ACOT13: variants seen among roughly 807,000 people sequenced by gnomAD.
The protein encoded by ACOT13 is acyl-CoA thioesterase 13, also known as acyl-coenzyme A thioesterase 13.
In ACOT13, 10 loss-of-function variants were observed where a neutral mutation model predicts 11.8. The ratio of observed to expected loss-of-function variants is 0.85; its 90% CI spans 0.53 to 1.44. The LOEUF is 1.44. Ranked by LOEUF, ACOT13 falls within the 40% of genes most tolerant of loss-of-function variation. The pLI is 0.00. For synonymous variants in ACOT13, 53 were observed against 61.0 expected (o/e 0.87, Z 0.61); for missense variants, 172 against 174.1 (o/e 0.99, Z 0.07).
chr6:24,694,009 GT>G (rs1205687090), intron 1 of ACOT13, among the ~76,000 whole-genome samples: 1 of 152,130 alleles, frequency 6.6e-6, no homozygotes, highest in Non-Finnish European at 1.5e-5. Context: ...CACAGACGAA[GT>G]TGCATAAACT....
Position 24,701,534 on chromosome 6 carries a change from A to G in ACOT13, c.342A>G (p.Ala114=). 6.2e-7 allele frequency: 1 copy of G among 1,614,132 alleles called. No individual in the cohort carries two copies. The highest frequency in any genetic ancestry group is 8.5e-7 in the Non-Finnish European group (1 of 1,179,980). ...TTCTGAAGCAAGGAAAAACACTTGC[A>G]TTTACCTCTGTGGATCTGACCAACA... ...AHVLKQGKTL[A]FTSVDLTNKA... is the part of the protein sequence containing the mutation. Residue 114 remains alanine, a synonymous_variant, in exon 3 of 3, where the codon GCA becomes GCG. Coordinates refer to ENST00000230048, the MANE Select transcript of ACOT13 (RefSeq NM_018473.4).
intron 1 of ACOT13, among the ~76,000 whole-genome samples, chr6:24,697,241 GT>G (rs999056196): frequency 6.6e-6 from 1 of 152,028 alleles, no homozygotes; most frequent in African/African-American, 2.4e-5. Context: ...TAGTATAAAA[GT>G]TTTTTTTAAA....
At chr6:24,678,808 C>T (rs1272925442) in intron 1 of ACOT13, among the ~76,000 whole-genome samples, 4 of 152,192 alleles carry the variant, frequency 2.6e-5, no homozygotes, top group Non-Finnish European at 4.4e-5. Context: ...CGGATAGTGA[C>T]AGATCTGGAG....
chr6:24,672,240 G>A (rs1339568587), intron 1 of ACOT13, among the ~76,000 whole-genome samples: 1 of 152,022 alleles, frequency 6.6e-6, no homozygotes, highest in Non-Finnish European at 1.5e-5. Flanking sequence ...TTGAGAGAGG[G>A]GACTTAACTT....
chr6:24,700,353 C>G (rs1562163737), intron 2 of ACOT13, among the ~76,000 whole-genome samples: 1 of 149,364 alleles, frequency 6.7e-6, no homozygotes, highest in Non-Finnish European at 1.5e-5. Context: ...ACTAAACATA[C>G]TATTTTTCAT....
intron 1 of ACOT13, among the ~76,000 whole-genome samples, chr6:24,693,533 C>T (rs1317515041): frequency 6.6e-6 from 1 of 152,128 alleles, no homozygotes; most frequent in Non-Finnish European, 1.5e-5. Flanking sequence ...ATTCTTGGTT[C>T]TCAGCTTCAT....
intron 1 of ACOT13, among the ~76,000 whole-genome samples, chr6:24,687,174 A>G (rs1778645604): frequency 6.6e-6 from 1 of 152,082 alleles, no homozygotes. Context: ...CATCTTGCAA[A>G]ACTGGAACTA....
chr6:24,679,434 T>C (rs1778510246), intron 1 of ACOT13, among the ~76,000 whole-genome samples: 1 of 152,148 alleles, frequency 6.6e-6, no homozygotes. Flanking sequence ...GACAGAGAGG[T>C]ATGCTTCCTC....
At chr6:24,674,350 CT>C (rs1288228767) in intron 1 of ACOT13, among the ~76,000 whole-genome samples, 4 of 152,232 alleles carry the variant, frequency 2.6e-5, no homozygotes, top group Middle Eastern at 3.4e-3. Flanking sequence ...GCCGCTGCCC[CT>C]GGCCTAAATA....
intron 1 of ACOT13, among the ~76,000 whole-genome samples, chr6:24,694,807 T>TA (rs1372991146): frequency 6.6e-6 from 1 of 152,152 alleles, no homozygotes; most frequent in Non-Finnish European, 1.5e-5. Context: ...GGCTGCCCAG[T>TA]AAAAAATTCT....
At chr6:24,672,072 CATAATTT>C (rs1778374399) in intron 1 of ACOT13, among the ~76,000 whole-genome samples, 1 of 152,104 alleles carries the variant, frequency 6.6e-6, no homozygotes, top group Non-Finnish European at 1.5e-5. Context: ...CAGAAAAAGA[CATAATTT>C]ATAATTTGAT....
At chr6:24,687,996 A>T (rs145978343) in intron 1 of ACOT13, among the ~76,000 whole-genome samples, 46 of 152,146 alleles carry the variant, frequency 3.0e-4, no homozygotes, top group African/African-American at 9.6e-4. Flanking sequence ...TACAGGTGTG[A>T]GCCACCGCAC....
At chr6:24,671,761 G>A (rs944424604) in intron 1 of ACOT13, among the ~76,000 whole-genome samples, 10 of 152,082 alleles carry the variant, frequency 6.6e-5, no homozygotes, top group African/African-American at 2.4e-4. Flanking sequence ...TTTTAGGGCA[G>A]CCATAGGCAA....
Position 24,701,639 on chromosome 6 carries a change from A to G in ACOT13, c.*24A>G. ...GAGAGAACAGCAGAATGACCTAAAG[A>G]AACCCAACAATGAATATCAAGTATA... On this transcript the variant is annotated 3_prime_UTR_variant, in exon 3 of 3. Coordinates refer to ENST00000230048, the MANE Select transcript of ACOT13 (RefSeq NM_018473.4). 1 of 1,577,688 alleles carries G rather than the reference A, an allele frequency of 6.3e-7. No homozygotes were observed. The highest frequency in any genetic ancestry group is 1.4e-5 in the African/African-American group (1 of 73,366).
chr6:24,689,877 A>T (rs1287139987), intron 1 of ACOT13, among the ~76,000 whole-genome samples: 1 of 152,210 alleles, frequency 6.6e-6, no homozygotes, highest in African/African-American at 2.4e-5. Flanking sequence ...CACAGCAAAT[A>T]TAAGTATTTT....
chr6:24,686,660 TTCTC>T (rs1046737565), intron 1 of ACOT13, among the ~76,000 whole-genome samples: 5 of 151,116 alleles, frequency 3.3e-5, no homozygotes, highest in African/African-American at 4.9e-5. Flanking sequence ...TTCTCTCTCT[TTCTC>T]TCTCTCTCTT....
chr6:24,671,685 A>G (rs188648903), intron 1 of ACOT13, among the ~76,000 whole-genome samples: 55 of 152,288 alleles, frequency 3.6e-4, no homozygotes, highest in African/African-American at 1.3e-3. Context: ...CAACAGCAAC[A>G]ACAAAAAAAA....
At chr6:24,690,070 A>G (rs921467018) in intron 1 of ACOT13, among the ~76,000 whole-genome samples, 1 of 152,168 alleles carries the variant, frequency 6.6e-6, no homozygotes, top group Non-Finnish European at 1.5e-5. Context: ...CCATCCTAGG[A>G]GTTCCAGGAC....
At chr6:24,696,213 G>A (rs946495127) in intron 1 of ACOT13, among the ~76,000 whole-genome samples, 6 of 152,096 alleles carry the variant, frequency 3.9e-5, no homozygotes, top group African/African-American at 1.4e-4. Context: ...TTCCTTCAGG[G>A]CCTTCAACAA....
Sources: gnomAD v4.1 joint callset for allele counts (sites outside exome capture counted in the v4.1 genomes callset) on GRCh38, gnomAD v4.1.1 for gene constraint, MANE v1.5 for transcripts, NCBI Gene and HGNC (gene_info 2026-07-23, HGNC 2026-07-21) for gene names.